The following XPO4 variants were observed in gnomAD, a reference collection of about 807,000 sequenced individuals.
XPO4 encodes the protein exportin-4.
Under a neutral mutation model 143.0 loss-of-function variants are expected in XPO4, and 39 were observed. The ratio of observed to expected loss-of-function variants is 0.27; its 90% CI spans 0.21 to 0.36. The LOEUF (loss-of-function observed/expected upper bound fraction) is 0.36. XPO4 is among the 10% of genes least tolerant of loss of function. The pLI is 1.00. For missense variants in XPO4, 907 were observed against 1,348.0 expected (o/e 0.67, Z 5.12); for synonymous variants, 439 against 474.0 (o/e 0.93, Z 0.96).
chr13:20,875,640 G>A (rs1037531254), intron 1 of XPO4, among the ~76,000 whole-genome samples: 1 of 152,062 alleles, frequency 6.6e-6, no homozygotes, highest in African/African-American at 2.4e-5. Flanking sequence ...TATCTTAAAA[G>A]TTGTCCTTAG....
At position 20,788,569 on chromosome 13, in the gene XPO4, A is replaced by G. The variant is rs747218388; in HGVS notation, c.2964T>C (p.Cys988=). The G allele has an allele frequency of 6.2e-6, 10 of 1,612,850 alleles. No individual in the cohort carries two copies. The change falls in exon 20 of 23, where the codon TGT becomes TGC. Residue 988 remains cysteine, a synonymous_variant. Coordinates refer to ENST00000255305, the MANE Select transcript of XPO4 (RefSeq NM_022459.5). ...GTGGTATTTTTTCAGGAAAAATCTC[A>G]CAGATAAATGTGATTAATTTGTAGT... ...NQYYKLITFI[C]EIFPEKIPQL...
chr13:20,783,919 C>G lies in XPO4; in HGVS notation c.3259G>C (p.Ala1087Pro). ...GTTTCGACCAGTTCAGAATATTCAG[C>G]CTATTGAAGAGATAAAGTATACACA... ...AFYTLVCLHQ[A>P]EYSELVETLL... Residue 1087 changes from alanine (A) to proline (P), a missense_variant and splice_region_variant, in exon 23 of 23, where the codon GCT (alanine) becomes CCT (proline). By Grantham distance (27) the Ala-to-Pro change is conservative. Transcript: ENST00000255305. The G allele has an allele frequency of 6.2e-7, 1 of 1,613,932 alleles. No individual in the cohort carries two copies. The highest frequency in any genetic ancestry group is 8.5e-7 in the Non-Finnish European group (1 of 1,179,876).
intron 1 of XPO4, among the ~76,000 whole-genome samples, chr13:20,869,092 G>C (rs1415898447): frequency 1.3e-5 from 2 of 151,880 alleles, no homozygotes; most frequent in Non-Finnish European, 2.9e-5. Flanking sequence ...TTCAATACTG[G>C]GGATATTGAA....
intron 6 of XPO4, among the ~76,000 whole-genome samples, chr13:20,833,518 T>C (rs2059877869): frequency 6.6e-6 from 1 of 152,216 alleles, no homozygotes; most frequent in Non-Finnish European, 1.5e-5. Flanking sequence ...GCTATGTACA[T>C]TGTTGCACTG....
intron 14 of XPO4, 104 bp from the exon 15 acceptor site, chr13:20,800,429 T>C (rs2059416889): frequency 1.9e-6 from 2 of 1,069,638 alleles, no homozygotes; most frequent in Non-Finnish European, 1.3e-6. Flanking sequence ...TCTGAAGTAG[T>C]GCTTACTTCA....
chr13:20,788,680 C>A (rs2059239079), intron 19 of XPO4, 64 bp from the exon 20 acceptor site: 5 of 1,403,532 alleles, frequency 3.6e-6, no homozygotes, highest in Admixed American at 2.5e-5. Context: ...TTCATCAATG[C>A]AATAAAATAA....
At chr13:20,858,706 C>T (rs897564759) in intron 3 of XPO4, among the ~76,000 whole-genome samples, 4 of 151,310 alleles carry the variant, frequency 2.6e-5, no homozygotes, top group African/African-American at 9.7e-5. Context: ...CCCGTCTCTA[C>T]TAAAAATGCA....
intron 1 of XPO4, chr13:20,869,581 C>G: frequency 1.2e-6 from 1 of 822,664 alleles, no homozygotes; most frequent in Non-Finnish European, 1.5e-6. Context: ...ATGTTACAAT[C>G]AATTATATTA....
intron 4 of XPO4, chr13:20,851,561 T>A: frequency 1.8e-6 from 1 of 553,938 alleles, no homozygotes; most frequent in Non-Finnish European, 2.3e-6. Flanking sequence ...TACAAAAAAT[T>A]AGCTCAGTGT....
chr13:20,832,439 C>T (rs2059864600), intron 6 of XPO4, among the ~76,000 whole-genome samples: 2 of 152,208 alleles, frequency 1.3e-5, no homozygotes, highest in African/African-American at 4.8e-5. Context: ...TACACATTAT[C>T]TTCAAGCAAA....
chr13:20,872,776 C>CT (rs1189900713), intron 1 of XPO4, among the ~76,000 whole-genome samples: 9 of 151,712 alleles, frequency 5.9e-5, no homozygotes, highest in Non-Finnish European at 1.3e-4. Context: ...GGTCTTAACT[C>CT]TTAACAGAAA....
At chr13:20,849,413 T>A in intron 4 of XPO4, 3 of 984,756 alleles carry the variant, frequency 3.0e-6, no homozygotes, top group Non-Finnish European at 3.6e-6. Flanking sequence ...AACGTATGCC[T>A]ACTGCTTTCA....
chr13:20,873,312 T>C (rs1199841285), intron 1 of XPO4, among the ~76,000 whole-genome samples: 2 of 152,074 alleles, frequency 1.3e-5, no homozygotes, highest in Non-Finnish European at 2.9e-5. Context: ...GATTACTTAC[T>C]AATGAATAGA....
chr13:20,825,278 C>T (rs2059770026), intron 7 of XPO4, among the ~76,000 whole-genome samples: 1 of 152,150 alleles, frequency 6.6e-6, no homozygotes, highest in Non-Finnish European at 1.5e-5. Flanking sequence ...TATTTAAAGT[C>T]TTGCTCTTAT....
At chr13:20,812,553 A>G (rs1372035919) in intron 9 of XPO4, among the ~76,000 whole-genome samples, 2 of 152,150 alleles carry the variant, frequency 1.3e-5, no homozygotes, top group African/African-American at 4.8e-5. Flanking sequence ...AAAACTTTCA[A>G]CTACATTAAG....
At chr13:20,798,307 G>T (rs1352395221) in intron 16 of XPO4, among the ~76,000 whole-genome samples, 1 of 152,116 alleles carries the variant, frequency 6.6e-6, no homozygotes. Context: ...TCAGGGTGAT[G>T]CGTTTACAAA....
In XPO4 at chr13:20,874,970, G is replaced by A. The variant is rs543456753; in HGVS notation, c.70-6269C>T. Among the ~76,000 whole-genome samples, 7 of 151,492 alleles carry A rather than the reference G, an allele frequency of 4.6e-5. No individual in the cohort carries two copies. The East Asian group carries it at 7.7e-4, about 17-fold the overall frequency. On this transcript the variant is annotated intron_variant, in intron 1 of 22. Transcript: ENST00000255305. The stretch of plus-strand genomic sequence containing the variant: ...GATCGCAGCACAGCACTCCAGCCTG[G>A]GGGACAAAGTGAGACTCCGTCTCAA...
chr13:20,901,932 G>A (rs2060623865), intron 1 of XPO4, among the ~76,000 whole-genome samples: 1 of 152,202 alleles, frequency 6.6e-6, no homozygotes, highest in South Asian at 2.1e-4. Context: ...CTCCTTGCAT[G>A]TAATACTTTT....
chr13:20,821,620 ATTAC>A (rs1167129196), intron 9 of XPO4, 80 bp downstream of exon 9: 6 of 1,420,360 alleles, frequency 4.2e-6, no homozygotes, highest in Middle Eastern at 1.8e-4. Flanking sequence ...ACTTAAAATA[ATTAC>A]TTGTCATGAG....
Sources: gnomAD v4.1 joint callset for allele counts (sites outside exome capture counted in the v4.1 genomes callset) on GRCh38, gnomAD v4.1.1 for gene constraint, MANE v1.5 for transcripts, NCBI Gene and HGNC (gene_info 2026-07-23, HGNC 2026-07-21) for gene names.